The following ULBP2 variants were observed in gnomAD, a reference collection of about 807,000 sequenced individuals.
ULBP2 encodes UL16 binding protein 2, also known as UL16-binding protein 2.
Under a neutral mutation model 23.6 loss-of-function variants are expected in ULBP2, and 21 were observed. That is an observed-to-expected ratio of 0.89 (90% CI 0.63 to 1.28). The LOEUF (loss-of-function observed/expected upper bound fraction) is 1.28, where lower values mean the gene tolerates loss of function less well. ULBP2 is among the 50% of genes most tolerant of loss of function. ULBP2 has a pLI of 0.00. For missense variants in ULBP2, 251 were observed against 306.0 expected (o/e 0.82, Z 1.34); for synonymous variants, 82 against 112.8 (o/e 0.73, Z 1.73).
intron 2 of ULBP2, among the ~76,000 whole-genome samples, chr6:149,945,866 G>T (rs1459183660): frequency 1.3e-5 from 2 of 150,640 alleles, no homozygotes; most frequent in Middle Eastern, 3.4e-3. Context: ...CCTTGAACCC[G>T]GCAGGCAGAC....
rs778314792 is a variant in ULBP2 at position 149,942,088 on chromosome 6, G to A, written c.16G>A (p.Ala6Thr). Residue 6 changes from alanine (A) to threonine (T), a missense_variant, in exon 1 of 5, where the codon GCT (alanine) becomes ACT (threonine). Transcript: ENST00000367351. MAAAA[A>T]TKILLCLPLL... ...TGGGTCCTTAATGGCAGCAGCCGCC[G>A]CTACCAAGATCCTTCTGTGCCTCCC... 41 of 1,613,198 alleles carry A rather than the reference G, an allele frequency of 2.5e-5. No homozygotes were observed. The African/African-American group carries it at 2.8e-4, about 11-fold the overall frequency.
At chr6:149,942,558 C>A (rs1285706827) in intron 1 of ULBP2, among the ~76,000 whole-genome samples, 1 of 152,116 alleles carries the variant, frequency 6.6e-6, no homozygotes, top group Non-Finnish European at 1.5e-5. Context: ...GACACCCCCA[C>A]CAGCCACAGG....
chr6:149,945,703 G>A, intron 2 of ULBP2, 131 bp downstream of exon 2: 1 of 1,546,258 alleles, frequency 6.5e-7, no homozygotes, highest in East Asian at 2.3e-5. Flanking sequence ...AGCACTTTGT[G>A]AGGTAGAGGT....
chr6:149,942,132 C>T lies in ULBP2; in HGVS notation c.60C>T (p.Ser20=). ...LLCLPLLLLL[S]GWSRAGRADP... ...GCCTCCCGCTTCTGCTCCTGCTGTC[C>T]GGCTGGTCCCGGGCTGGGCGAGCCG... Residue 20 remains serine (S), a synonymous_variant, in exon 1 of 5, where the codon TCC becomes TCT. Coordinates refer to ENST00000367351, the MANE Select transcript of ULBP2 (RefSeq NM_025217.4). The T allele has an allele frequency of 6.2e-7, 1 of 1,610,760 alleles. No individual in the cohort carries two copies. Among genetic ancestry groups the T allele is most frequent in the Non-Finnish European group, 8.5e-7 (1 of 1,179,040 alleles).
At chr6:149,946,870 C>T (rs951137890) in intron 3 of ULBP2, among the ~76,000 whole-genome samples, 8 of 152,294 alleles carry the variant, frequency 5.3e-5, no homozygotes, top group Admixed American at 2.0e-4. Context: ...TGCACTTGCT[C>T]CTGCTCCCCG....
At chr6:149,946,254 A>G in intron 2 of ULBP2, 118 bp from the exon 3 acceptor site, 1 of 1,297,342 alleles carries the variant, frequency 7.7e-7, no homozygotes, top group African/African-American at 1.5e-5. Context: ...ACCCCTCAAG[A>G]GTCTAGAGGC....
intron 2 of ULBP2, 151 bp downstream of exon 2, chr6:149,945,723 A>T: frequency 6.7e-7 from 1 of 1,492,166 alleles, no homozygotes; most frequent in Non-Finnish European, 9.1e-7. Flanking sequence ...TGGGCCGATC[A>T]CAAGGTCAGG....
In ULBP2 at chr6:149,949,154, A is replaced by C. The variant is rs1303195642; in HGVS notation, c.*454A>C. On this transcript the variant is annotated 3_prime_UTR_variant, in exon 5 of 5. Transcript: ENST00000367351. ...GAATTTTTAAATTATTTAATAAGAA[A>C]AAATTTATATTAATGATTGTTTCCT... 1 of 156,022 alleles carries C rather than the reference A, an allele frequency of 6.4e-6. No individual in the cohort carries two copies. Among genetic ancestry groups the C allele is most frequent in the African/African-American group, 2.4e-5 (1 of 41,484 alleles). 9.7% of individuals were successfully genotyped at this position (156,022 alleles called of 1,614,324 possible).
At chr6:149,945,167 T>C (rs1778915689) in intron 1 of ULBP2, 142 bp from the exon 2 acceptor site, 3 of 1,015,852 alleles carry the variant, frequency 3.0e-6, no homozygotes, top group Non-Finnish European at 2.9e-6. Context: ...CTTAAACTTG[T>C]AGACACCACA....
chr6:149,946,535 G>T lies in ULBP2; in HGVS notation c.513G>T (p.Lys171Asn), dbSNP rs192707406. ...VHPGARKMKE[K>N]WENDKVVAMS... ...CTGGAGCCAGAAAGATGAAAGAAAAGTGGGAGAATGACAAGGTTGTGGCCA... is the reference window on the plus strand; with the variant it reads ...CTGGAGCCAGAAAGATGAAAGAAAATTGGGAGAATGACAAGGTTGTGGCCA... The change falls in exon 3 of 5, where the codon AAG becomes AAT. Residue 171 changes from lysine to asparagine, a missense_variant. Lys to Asn is a moderately conservative substitution (Grantham distance 94). This residue lies in a region of ULBP2 where 248 missense variants were observed against 258.9 expected (regional missense o/e 0.96). Coordinates refer to ENST00000367351, the MANE Select transcript of ULBP2 (RefSeq NM_025217.4). The T allele has an allele frequency of 9.7e-5, 156 of 1,614,204 alleles. No individual in the cohort carries two copies. In the Middle Eastern group the frequency reaches 2.1e-3, roughly 22 times the overall value.
At chr6:149,945,719 G>A (rs1193294911) in intron 2 of ULBP2, 147 bp downstream of exon 2, 13 of 1,488,098 alleles carry the variant, frequency 8.7e-6, no homozygotes, top group African/African-American at 4.2e-5. Context: ...GAGGTGGGCC[G>A]ATCACAAGGT....
rs747694333 is a variant in ULBP2 at position 149,942,148 on chromosome 6, G to T, written c.76G>T (p.Gly26Trp). 9.3e-6 allele frequency: 15 copies of T among 1,612,806 alleles called. No homozygotes were observed. In the East Asian group the frequency reaches 3.3e-4, roughly 36 times the overall value. The change falls in exon 1 of 5, where the codon GGG becomes TGG. Residue 26 changes from glycine (G) to tryptophan (W), a missense_variant. By Grantham distance (184) the Gly-to-Trp change is radical (BLOSUM62 -2). Around this residue, in one of 2 missense-constraint regions of ULBP2, gnomAD observed 248 missense variants for 258.9 expected, o/e 0.96. Coordinates refer to ENST00000367351, the MANE Select transcript of ULBP2 (RefSeq NM_025217.4). The part of the protein sequence containing the change: ...LLLLSGWSRA[G>W]RADPHSLCYD... ...CCTGCTGTCCGGCTGGTCCCGGGCT[G>T]GGCGAGCCGGTGAGTTCGTGGATGG...
intron 1 of ULBP2, among the ~76,000 whole-genome samples, chr6:149,942,587 G>A (rs1288041736): frequency 1.3e-5 from 2 of 152,068 alleles, no homozygotes; most frequent in Non-Finnish European, 2.9e-5. Context: ...GCTCTCACCC[G>A]CTCTCCACCA....
intron 2 of ULBP2, among the ~76,000 whole-genome samples, chr6:149,946,166 G>A: frequency 6.7e-6 from 1 of 148,440 alleles, no homozygotes; most frequent in Non-Finnish European, 1.5e-5. Flanking sequence ...TCGCGCCACT[G>A]CACTCCATCC....
intron 2 of ULBP2, among the ~76,000 whole-genome samples, 196 bp downstream of exon 2, chr6:149,945,768 C>T (rs1038302386): frequency 6.6e-5 from 10 of 152,086 alleles, no homozygotes; most frequent in African/African-American, 2.4e-4. Context: ...TGGTGAAACA[C>T]TGTCTCTACC....
intron 1 of ULBP2, among the ~76,000 whole-genome samples, chr6:149,943,177 C>T (rs1332797331): frequency 6.6e-6 from 1 of 152,094 alleles, no homozygotes; most frequent in Non-Finnish European, 1.5e-5. Context: ...TAGGGGGGAC[C>T]AGATTTGGAC....
At chr6:149,946,206 C>CAAAAAA (rs67763917) in intron 2 of ULBP2, among the ~76,000 whole-genome samples, 166 bp from the exon 3 acceptor site, 6 of 126,272 alleles carry the variant, frequency 4.8e-5, no homozygotes, top group African/African-American at 1.8e-4. Context: ...GACCCTTTCT[C>CAAAAAA]AAAAAAAAAA....
At chr6:149,943,490 C>A (rs17748581) in intron 1 of ULBP2, among the ~76,000 whole-genome samples, 2 of 152,086 alleles carry the variant, frequency 1.3e-5, no homozygotes, top group African/African-American at 4.8e-5. Flanking sequence ...TCCTGGGGAT[C>A]GGGTCCAACT....
At chr6:149,942,436 T>A (rs1196651777) in intron 1 of ULBP2, among the ~76,000 whole-genome samples, 2 of 152,054 alleles carry the variant, frequency 1.3e-5, no homozygotes, top group Non-Finnish European at 2.9e-5. Context: ...CGGGGATCCC[T>A]GGTGCAGCCT....
Sources: allele counts gnomAD v4.1 joint callset (sites outside exome capture counted in the v4.1 genomes callset), GRCh38; gene constraint gnomAD v4.1.1; regional missense constraint gnomAD v4.1.1; transcripts MANE v1.5; gene names NCBI Gene and HGNC (gene_info 2026-07-23, HGNC 2026-07-21).